Variants in GRB2 observed in about 807,000 individuals in gnomAD.
GRB2 encodes growth factor receptor-bound protein 2.
GRB2 carries 2 observed loss-of-function variants against 27.4 expected under a neutral mutation model. The observed-to-expected ratio is 0.07, with a 90% CI of 0.03 to 0.23. The LOEUF (loss-of-function observed/expected upper bound fraction) is 0.23. Among genes scored for constraint, GRB2 ranks in the 10% least tolerant of loss-of-function variants. The pLI is 1.00. For missense variants in GRB2, 102 were observed against 282.4 expected (o/e 0.36, Z 4.58); for synonymous variants, 94 against 99.6 (o/e 0.94, Z 0.33).
chr17:75,386,291 G>A (rs1355880111), intron 2 of GRB2, among the ~76,000 whole-genome samples: 1 of 152,052 alleles, frequency 6.6e-6, no homozygotes, highest in African/African-American at 2.4e-5. Flanking sequence ...GCTAATTTGT[G>A]TATTTTTAGT....
intron 2 of GRB2, among the ~76,000 whole-genome samples, chr17:75,341,333 T>A (rs945688499): frequency 1.0e-4 from 15 of 150,444 alleles, no homozygotes; most frequent in African/African-American, 3.2e-4. Context: ...CTCAGGAGGC[T>A]GAGGCAGGAG....
chr17:75,374,251 A>G (rs1429670301), intron 2 of GRB2, among the ~76,000 whole-genome samples: 2 of 151,702 alleles, frequency 1.3e-5, no homozygotes, highest in East Asian at 2.0e-4. Flanking sequence ...TAAAAATACA[A>G]AAATTAGCCA....
At chr17:75,382,508 CCTTT>C (rs2078935561) in intron 2 of GRB2, among the ~76,000 whole-genome samples, 1 of 152,196 alleles carries the variant, frequency 6.6e-6, no homozygotes, top group Non-Finnish European at 1.5e-5. Context: ...ACAGGCACTT[CCTTT>C]GAGTGCCATG....
chr17:75,343,048 T>TAAAAAAAAAAA (rs1687460771), intron 2 of GRB2, among the ~76,000 whole-genome samples: 1 of 3,764 alleles, frequency 2.7e-4, no homozygotes, highest in African/African-American at 5.6e-4. Context: ...AAACCTTGTC[T>TAAAAAAAAAAA]CAAAAAAAAA....
intron 5 of GRB2, 99 bp downstream of exon 5, chr17:75,321,560 G>A (rs1598214791): frequency 8.5e-6 from 9 of 1,063,946 alleles, no homozygotes; most frequent in Admixed American, 3.8e-5. Flanking sequence ...CCTGAAGGGC[G>A]CCCGCATGTT....
chr17:75,405,164 G>A (rs1396988087), intron 1 of GRB2: 2 of 152,234 alleles, frequency 1.3e-5, no homozygotes, highest in South Asian at 2.1e-4. Flanking sequence ...AGACTGACTC[G>A]GTCGGCGTTC....
Position 75,393,657 on chromosome 17 carries a change from T to A in GRB2, c.-29A>T, listed in dbSNP as rs752444791. On this transcript the variant is annotated 5_prime_UTR_variant, in exon 2 of 6. Transcript: ENST00000316804. Reference sequence around the variant, plus strand: ...GAGCGCTGCTCAGTGCTCAGCAGCCTGAAGCAGGGGGAAGGGAGTCTTCCC... The same window carrying A: ...GAGCGCTGCTCAGTGCTCAGCAGCCAGAAGCAGGGGGAAGGGAGTCTTCCC... The A allele has an allele frequency of 6.3e-7, 1 of 1,588,472 alleles. No homozygotes were observed. The highest frequency in any genetic ancestry group is 1.7e-5 in the Admixed American group (1 of 59,988).
intron 2 of GRB2, among the ~76,000 whole-genome samples, chr17:75,388,304 T>C (rs2078977537): frequency 6.6e-6 from 1 of 151,920 alleles, no homozygotes; most frequent in African/African-American, 2.4e-5. Context: ...GGTTTCACCA[T>C]GTTGGCCAGG....
rs181099926 is a variant in GRB2, at chr17:75,383,570, C to T, written c.78+9981G>A. On this transcript the variant is annotated intron_variant, in intron 2 of 5. Transcript: ENST00000316804. The stretch of plus-strand genomic sequence containing the variant: ...TTTAAAAACACCAACATAGGCTGGG[C>T]GGGTGGCTCACGCCTGTAATCCCAG... 5.9e-5 allele frequency among the ~76,000 whole-genome samples: 9 copies of T among 152,226 alleles called. No individual in the cohort carries two copies. The East Asian group carries it at 1.4e-3, about 23-fold the overall frequency.
At chr17:75,355,611 A>T (rs1313042356) in intron 2 of GRB2, among the ~76,000 whole-genome samples, 10 of 150,224 alleles carry the variant, frequency 6.7e-5, no homozygotes, top group Admixed American at 2.6e-4. Flanking sequence ...ATGAGCTTAA[A>T]AAAAAAAAAA....
chr17:75,399,792 C>A (rs1197673209), intron 1 of GRB2, among the ~76,000 whole-genome samples: 1 of 152,070 alleles, frequency 6.6e-6, no homozygotes, highest in Admixed American at 6.6e-5. Context: ...GCCTCAGCCT[C>A]CCGAGTGGCT....
intron 1 of GRB2, chr17:75,394,828 T>G (rs1179821800): frequency 6.6e-6 from 1 of 152,152 alleles, no homozygotes; most frequent in African/African-American, 2.4e-5. Context: ...AAAGATTCTG[T>G]GAGAACCCTG....
chr17:75,321,926 C>A, intron 4 of GRB2, 99 bp from the exon 5 acceptor site: 1 of 1,144,924 alleles, frequency 8.7e-7, no homozygotes, highest in Non-Finnish European at 1.2e-6. Context: ...ACCACTGTCC[C>A]AGCAGCACTC....
At chr17:75,326,791 CTT>C (rs2078501231) in intron 3 of GRB2, among the ~76,000 whole-genome samples, 1 of 152,188 alleles carries the variant, frequency 6.6e-6, no homozygotes, top group African/African-American at 2.4e-5. Flanking sequence ...CTGGCTGTGG[CTT>C]ATCAAGAGGA....
chr17:75,335,335 C>T (rs1210495264), intron 2 of GRB2, among the ~76,000 whole-genome samples: 2 of 152,138 alleles, frequency 1.3e-5, no homozygotes, highest in African/African-American at 4.8e-5. Flanking sequence ...TGGTAATCTA[C>T]ACTGCATAAC....
At chr17:75,386,945 A>C (rs1049194041) in intron 2 of GRB2, among the ~76,000 whole-genome samples, 1 of 151,318 alleles carries the variant, frequency 6.6e-6, no homozygotes, top group East Asian at 2.0e-4. Context: ...GGAGGCTGAG[A>C]GGGGCAGATC....
At chr17:75,353,589 G>A (rs991722454) in intron 2 of GRB2, among the ~76,000 whole-genome samples, 6 of 151,714 alleles carry the variant, frequency 4.0e-5, no homozygotes, top group Non-Finnish European at 8.8e-5. Flanking sequence ...GTGAAACCCC[G>A]CCTCTACTAA....
intron 1 of GRB2, among the ~76,000 whole-genome samples, chr17:75,398,461 A>G (rs532636561): frequency 6.6e-5 from 10 of 151,604 alleles, no homozygotes; most frequent in South Asian, 4.2e-4. Flanking sequence ...GGGTCTCCCT[A>G]TGCTGCCCAG....
chr17:75,364,341 A>G (rs2078805917), intron 2 of GRB2, among the ~76,000 whole-genome samples: 2 of 152,210 alleles, frequency 1.3e-5, no homozygotes, highest in South Asian at 2.1e-4. Context: ...AGCAAACAGC[A>G]GCTTACATTT....
Sources: allele counts gnomAD v4.1 joint callset (sites outside exome capture counted in the v4.1 genomes callset), GRCh38; gene constraint gnomAD v4.1.1; transcripts MANE v1.5; gene names NCBI Gene and HGNC (gene_info 2026-07-23, HGNC 2026-07-21).